Variants in COMMD10 observed in about 807,000 individuals in gnomAD.
COMMD10 encodes COMM domain-containing protein 10.
In COMMD10, 33 loss-of-function variants were observed where a neutral mutation model predicts 28.9. That is an observed-to-expected ratio of 1.14 (90% CI 0.87 to 1.53). The LOEUF (loss-of-function observed/expected upper bound fraction) is 1.53, where lower values mean the gene tolerates loss of function less well. COMMD10 is among the 40% of genes most tolerant of loss of function. The pLI is 0.00. For missense variants in COMMD10, 310 were observed against 233.4 expected (o/e 1.33, Z -2.14); for synonymous variants, 110 against 81.7 (o/e 1.35, Z -1.87).
chr5:116,127,455 T>G (rs1751696303), intron 4 of COMMD10, among the ~76,000 whole-genome samples: 1 of 152,212 alleles, frequency 6.6e-6, no homozygotes, highest in Non-Finnish European at 1.5e-5. Flanking sequence ...TAAATCATGC[T>G]GCTATAAAGA....
chr5:116,130,010 CT>C (rs564061867), intron 4 of COMMD10, among the ~76,000 whole-genome samples: 5 of 151,106 alleles, frequency 3.3e-5, no homozygotes, highest in East Asian at 1.9e-4. Flanking sequence ...ATTTTATTTA[CT>C]TTTTTTATTA....
chr5:116,148,077 A>T (rs1363875892), intron 5 of COMMD10, among the ~76,000 whole-genome samples: 1 of 151,854 alleles, frequency 6.6e-6, no homozygotes, highest in African/African-American at 2.4e-5. Context: ...GTCCTTCAGC[A>T]GTACATTTGC....
At position 116,280,891 on chromosome 5, in the gene COMMD10, A is replaced by G. The variant is rs898889622; in HGVS notation, c.511-10626A>G. Among the ~76,000 whole-genome samples the G allele has an allele frequency of 1.3e-5, 2 of 151,996 alleles. 1 individual carries two copies. The highest frequency in any genetic ancestry group is 4.8e-5 in the African/African-American group (2 of 41,318). On this transcript the variant is annotated intron_variant, in intron 5 of 6. Coordinates refer to ENST00000274458, the MANE Select transcript of COMMD10 (RefSeq NM_016144.4). ...TTGTTTTATAAACTCATTCAGTAAG[A>G]CTTGAAATATTATTTACATTTTATC...
intron 5 of COMMD10, among the ~76,000 whole-genome samples, chr5:116,221,772 T>C (rs1749266302): frequency 1.3e-5 from 2 of 152,212 alleles, no homozygotes; most frequent in Admixed American, 1.3e-4. Flanking sequence ...TAGCCACCAT[T>C]CTTTATTTAA....
chr5:116,219,921 T>C (rs1749202191), intron 5 of COMMD10, among the ~76,000 whole-genome samples: 1 of 152,200 alleles, frequency 6.6e-6, no homozygotes, highest in African/African-American at 2.4e-5. Context: ...ATGGATTTGA[T>C]AATATTTTGA....
intron 4 of COMMD10, among the ~76,000 whole-genome samples, chr5:116,133,536 G>A (rs1440086811): frequency 6.6e-6 from 1 of 152,120 alleles, no homozygotes; most frequent in Non-Finnish European, 1.5e-5. Flanking sequence ...ATCTCATTGT[G>A]TCTAAAGGTG....
intron 5 of COMMD10, among the ~76,000 whole-genome samples, chr5:116,220,352 A>T (rs1749217085): frequency 6.6e-6 from 1 of 152,176 alleles, no homozygotes; most frequent in Non-Finnish European, 1.5e-5. Flanking sequence ...AAGGAATTCT[A>T]AGCCCCTAGA....
At chr5:116,107,180 T>C (rs1750867595) in intron 4 of COMMD10, among the ~76,000 whole-genome samples, 2 of 152,164 alleles carry the variant, frequency 1.3e-5, no homozygotes, top group African/African-American at 4.8e-5. Flanking sequence ...TCGAGGAGTA[T>C]CTTTGCGGTG....
At chr5:116,167,299 A>G (rs1388695654) in intron 5 of COMMD10, among the ~76,000 whole-genome samples, 3 of 152,044 alleles carry the variant, frequency 2.0e-5, no homozygotes, top group South Asian at 4.1e-4. Context: ...TAGAGAAAAA[A>G]GAATGAAAAG....
At chr5:116,107,469 C>T (rs181831894) in intron 4 of COMMD10, among the ~76,000 whole-genome samples, 31 of 152,194 alleles carry the variant, frequency 2.0e-4, no homozygotes, top group East Asian at 3.9e-4. Flanking sequence ...TTTATCGATT[C>T]GGCTATTGAT....
chr5:116,246,604 A>G lies in COMMD10; in HGVS notation c.511-44913A>G, dbSNP rs183101118. Among the ~76,000 whole-genome samples, 434 of 152,212 alleles carry G rather than the reference A, an allele frequency of 2.9e-3. 1 individual carries two copies. The highest frequency in any genetic ancestry group is 4.5e-3 in the Non-Finnish European group (306 of 67,958). ...CTTCAAACTATATTACAGGGCTACAATAATCAAAACAGCATGGTATTAGTA... is the reference window on the plus strand; with the variant it reads ...CTTCAAACTATATTACAGGGCTACAGTAATCAAAACAGCATGGTATTAGTA... On this transcript the variant is annotated intron_variant, in intron 5 of 6. Transcript: ENST00000274458.
At chr5:116,137,712 G>C (rs192047241) in intron 5 of COMMD10, among the ~76,000 whole-genome samples, 390 of 152,072 alleles carry the variant, frequency 2.6e-3, no homozygotes, top group Non-Finnish European at 4.4e-3. Flanking sequence ...CTGCAGTGAA[G>C]TTTTAATTGC....
chr5:116,157,577 C>T (rs1019115281), intron 5 of COMMD10, among the ~76,000 whole-genome samples: 5 of 152,206 alleles, frequency 3.3e-5, no homozygotes, highest in South Asian at 4.2e-4. Context: ...ACAGGCACAC[C>T]GTTATTTTCA....
chr5:116,276,277 A>G lies in COMMD10; in HGVS notation c.511-15240A>G, dbSNP rs182875674. ...TTTTTTTTCTTCTTTTTTGAGATGG[A>G]CTTCTGCTTTTGTCACCCAGGCTGT... On this transcript the variant is annotated intron_variant, in intron 5 of 6. Coordinates refer to ENST00000274458, the MANE Select transcript of COMMD10 (RefSeq NM_016144.4). Among the ~76,000 whole-genome samples the G allele has an allele frequency of 2.3e-3, 353 of 151,716 alleles. 3 individuals are homozygous for G. Among genetic ancestry groups the G allele is most frequent in the Non-Finnish European group, 3.4e-3 (233 of 67,954 alleles).
At chr5:116,185,147 C>G (rs1748095750) in intron 5 of COMMD10, among the ~76,000 whole-genome samples, 1 of 152,102 alleles carries the variant, frequency 6.6e-6, no homozygotes, top group East Asian at 1.9e-4. Flanking sequence ...GAGCTTTGCG[C>G]CCATAGATCT....
intron 5 of COMMD10, among the ~76,000 whole-genome samples, chr5:116,187,921 T>G (rs939232682): frequency 6.6e-6 from 1 of 152,136 alleles, no homozygotes; most frequent in Non-Finnish European, 1.5e-5. Flanking sequence ...AATAAGGGAC[T>G]TTACCCTGTA....
At chr5:116,257,737 A>G (rs1750329244) in intron 5 of COMMD10, among the ~76,000 whole-genome samples, 1 of 151,802 alleles carries the variant, frequency 6.6e-6, no homozygotes, top group African/African-American at 2.4e-5. Context: ...ATCAAATAAA[A>G]GGAATATTAT....
rs536990683 is a variant in COMMD10 at position 116,222,824 on chromosome 5, T to A, written c.511-68693T>A. Among the ~76,000 whole-genome samples, 18 of 152,246 alleles carry A rather than the reference T, an allele frequency of 1.2e-4. No individual in the cohort carries two copies. In the East Asian group the frequency reaches 3.5e-3, roughly 29 times the overall value. On this transcript the variant is annotated intron_variant, in intron 5 of 6. Coordinates refer to ENST00000274458, the MANE Select transcript of COMMD10 (RefSeq NM_016144.4). ...CTCCTGCCTCAGCCTCCCAAGTAGC[T>A]GGGACTACAGTTACATGCCACCACG...
chr5:116,260,803 T>C (rs1333699328), intron 5 of COMMD10, among the ~76,000 whole-genome samples: 1 of 151,832 alleles, frequency 6.6e-6, no homozygotes, highest in Non-Finnish European at 1.5e-5. Context: ...TTTATAATGG[T>C]ATTTTGAAAC....
Sources: gnomAD v4.1 joint callset for allele counts (sites outside exome capture counted in the v4.1 genomes callset) on GRCh38, gnomAD v4.1.1 for gene constraint, MANE v1.5 for transcripts, NCBI Gene and HGNC (gene_info 2026-07-23, HGNC 2026-07-21) for gene names.